The following ARB2A variants were observed in gnomAD, a reference collection of about 807,000 sequenced individuals.
ARB2A encodes the protein cotranscriptional regulator ARB2A.
At chr5:93,748,956 TA>T in the ARB2A span, among the ~76,000 whole-genome samples, 1 of 152,164 alleles carries the variant, frequency 6.6e-6, no homozygotes, top group Non-Finnish European at 1.5e-5. Context: ...GTCATAATCT[TA>T]AGTTTCAATC....
the ARB2A span, chr5:93,619,947 G>C: frequency 6.6e-6 from 1 of 152,152 alleles, no homozygotes; most frequent in Admixed American, 6.5e-5. Context: ...AGGCTGCAGA[G>C]CACAAAGGTT....
the ARB2A span, among the ~76,000 whole-genome samples, chr5:94,071,343 T>C: frequency 3.3e-5 from 5 of 151,762 alleles, no homozygotes; most frequent in African/African-American, 9.7e-5. Context: ...AGGGAAAGAG[T>C]TCTTTGACAT....
At chr5:94,066,628 T>C in the ARB2A span, among the ~76,000 whole-genome samples, 1 of 152,118 alleles carries the variant, frequency 6.6e-6, no homozygotes, top group African/African-American at 2.4e-5. Context: ...CTACCAAGAT[T>C]GAATCAGGAA....
At chr5:93,997,073 A>G in the ARB2A span, among the ~76,000 whole-genome samples, 1 of 152,092 alleles carries the variant, frequency 6.6e-6, no homozygotes, top group East Asian at 1.9e-4. Flanking sequence ...TTTACCTCAG[A>G]GACTACATTA....
At chr5:93,803,122 G>A in the ARB2A span, among the ~76,000 whole-genome samples, 1 of 152,050 alleles carries the variant, frequency 6.6e-6, no homozygotes, top group South Asian at 2.1e-4. Flanking sequence ...AGGTGATAGT[G>A]AAAAGTCAAA....
the ARB2A span, among the ~76,000 whole-genome samples, chr5:93,984,156 A>C: frequency 6.6e-6 from 1 of 152,132 alleles, no homozygotes; most frequent in Non-Finnish European, 1.5e-5. Context: ...ATTAGTAGTA[A>C]AGGGGGATAA....
At chr5:93,804,910 A>G in the ARB2A span, 1 of 945,636 alleles carries the variant, frequency 1.1e-6, no homozygotes, top group Non-Finnish European at 1.3e-6. Context: ...CTTAAGTTTA[A>G]GTAACCAGAG....
the ARB2A span, among the ~76,000 whole-genome samples, chr5:93,900,409 G>A: frequency 1.3e-5 from 2 of 151,896 alleles, no homozygotes; most frequent in Non-Finnish European, 2.9e-5. Flanking sequence ...TCAGGAGTTC[G>A]AGACCAGCCT....
the ARB2A span, chr5:93,863,674 T>C: frequency 6.6e-6 from 1 of 152,056 alleles, no homozygotes; most frequent in Non-Finnish European, 1.5e-5. Flanking sequence ...GTTTTATTAC[T>C]AATCTTTCAA....
At chr5:94,095,339 G>A in the ARB2A span, among the ~76,000 whole-genome samples, 1 of 152,110 alleles carries the variant, frequency 6.6e-6, no homozygotes, top group Non-Finnish European at 1.5e-5. Context: ...GCAAGATTAT[G>A]TTTTTTACTA....
chr5:93,725,894 G>A, the ARB2A span, among the ~76,000 whole-genome samples: 1 of 152,058 alleles, frequency 6.6e-6, no homozygotes, highest in South Asian at 2.1e-4. Flanking sequence ...TTAGGATATA[G>A]GTAGGTGGAT....
the ARB2A span, among the ~76,000 whole-genome samples, chr5:93,654,223 T>C: frequency 0.21 from 31,287 of 152,090 alleles, 4,670 homozygotes; most frequent in African/African-American, 0.42. Context: ...AGTTTTCCAG[T>C]GGCCACCAGA....
the ARB2A span, among the ~76,000 whole-genome samples, chr5:94,015,074 A>C: frequency 6.6e-6 from 1 of 152,076 alleles, no homozygotes; most frequent in Admixed American, 6.6e-5. Context: ...CTTGACCGAA[A>C]TAGGAGTACC....
At chr5:93,906,523 A>AAAATATTGAGTGTCAC in the ARB2A span, among the ~76,000 whole-genome samples, 1 of 151,596 alleles carries the variant, frequency 6.6e-6, no homozygotes, top group African/African-American at 2.4e-5. Flanking sequence ...GCAATTTGTA[A>AAAATATTGAGTGTCAC]AAATATTGAG....
the ARB2A span, among the ~76,000 whole-genome samples, chr5:93,966,578 T>G: frequency 3.5e-4 from 54 of 152,130 alleles, no homozygotes; most frequent in Non-Finnish European, 6.6e-4. Flanking sequence ...ACTACCTAAC[T>G]TGCCTAATTT....
chr5:93,762,107 CAG>C, the ARB2A span, among the ~76,000 whole-genome samples: 2 of 152,152 alleles, frequency 1.3e-5, no homozygotes, highest in African/African-American at 4.8e-5. Flanking sequence ...GGGGAAGAAA[CAG>C]AGCAGAAAAA....
chr5:93,855,590 C>G, the ARB2A span, among the ~76,000 whole-genome samples: 1 of 152,122 alleles, frequency 6.6e-6, no homozygotes, highest in Non-Finnish European at 1.5e-5. Flanking sequence ...TTTGCAGTGG[C>G]TGGTACTGGT....
At chr5:93,989,593 G>C in the ARB2A span, among the ~76,000 whole-genome samples, 1 of 151,948 alleles carries the variant, frequency 6.6e-6, no homozygotes, top group Non-Finnish European at 1.5e-5. Flanking sequence ...TTTGCCCTGT[G>C]GACCAAAAGG....
At chr5:93,938,822 C>G in the ARB2A span, among the ~76,000 whole-genome samples, 743 of 152,292 alleles carry the variant, frequency 4.9e-3, 6 homozygotes, top group African/African-American at 0.017. Flanking sequence ...CTTAAGTTTG[C>G]TCTGACAGAA....
Sources: gnomAD v4.1 joint callset for allele counts (sites outside exome capture counted in the v4.1 genomes callset) on GRCh38, gnomAD v4.1.1 for gene constraint, MANE v1.5 for transcripts, NCBI Gene and HGNC (gene_info 2026-07-23, HGNC 2026-07-21) for gene names.